MYH15: variants seen among roughly 807,000 people sequenced by gnomAD.
MYH15 encodes the protein myosin heavy chain 15, also known as myosin-15.
A neutral mutation model predicts 240.5 loss-of-function variants in MYH15; 227 were observed. The observed-to-expected ratio is 0.94, with a 90% confidence interval of 0.85 to 1.05. MYH15 has a LOEUF of 1.05. Among genes scored for constraint, MYH15 ranks in the 50% least tolerant of loss-of-function variants. MYH15 has a pLI of 0.00. For synonymous variants in MYH15, 785 were observed against 796.7 expected (o/e 0.99, Z 0.25); for missense variants, 2,217 against 2,247.5 (o/e 0.99, Z 0.27).
At chr3:108,386,720 A>G (rs933112414) in intron 38 of MYH15, among the ~76,000 whole-genome samples, 4 of 151,866 alleles carry the variant, frequency 2.6e-5, no homozygotes, top group Non-Finnish European at 5.9e-5. Flanking sequence ...TCTCTTGTAC[A>G]TCTAACTCTA....
chr3:108,516,174 C>T (rs1300391629), intron 1 of MYH15, among the ~76,000 whole-genome samples: 2 of 152,132 alleles, frequency 1.3e-5, no homozygotes, highest in East Asian at 1.9e-4. Context: ...ATTTTTAAGT[C>T]GGTTTCATCA....
intron 28 of MYH15, among the ~76,000 whole-genome samples, chr3:108,419,840 C>T (rs933798896): frequency 6.6e-6 from 1 of 152,176 alleles, no homozygotes; most frequent in Non-Finnish European, 1.5e-5. Context: ...CTTTTTAAAA[C>T]TGTGTGCCTC....
intron 32 of MYH15, among the ~76,000 whole-genome samples, chr3:108,406,653 G>A (rs371769192): frequency 1.3e-5 from 2 of 152,148 alleles, no homozygotes; most frequent in African/African-American, 4.8e-5. Context: ...TTCTCATAAA[G>A]GCTCACCCAG....
intron 11 of MYH15, among the ~76,000 whole-genome samples, chr3:108,482,345 C>T (rs910316968): frequency 3.3e-5 from 5 of 152,080 alleles, no homozygotes; most frequent in Admixed American, 2.6e-4. Context: ...GGCTGGAGCC[C>T]TGAGCAGCCC....
chr3:108,428,476 G>A lies in MYH15; in HGVS notation c.3702+16C>T. On this transcript the variant is annotated intron_variant, in intron 27 of 40. Coordinates refer to ENST00000693548, the MANE Select transcript of MYH15 (RefSeq NM_014981.3). Reference sequence around the variant, plus strand: ...CCATGTTCAGAAGACCACGAGGATGGCATGGGAGTATCTACCTTAGCTCTT... The same window carrying A: ...CCATGTTCAGAAGACCACGAGGATGACATGGGAGTATCTACCTTAGCTCTT... 1 of 1,592,904 alleles carries A rather than the reference G, an allele frequency of 6.3e-7. No individual in the cohort carries two copies. The highest frequency in any genetic ancestry group is 8.6e-7 in the Non-Finnish European group (1 of 1,166,920).
upstream of MYH15, among the ~76,000 whole-genome samples, chr3:108,534,270 G>A (rs1339249089): frequency 6.6e-6 from 1 of 152,128 alleles, no homozygotes; most frequent in African/African-American, 2.4e-5. Flanking sequence ...AAAACCCAAT[G>A]TCAGCCATAT....
chr3:108,460,205 T>G, intron 17 of MYH15, 95 bp downstream of exon 17: 1 of 1,121,342 alleles, frequency 8.9e-7, no homozygotes, highest in South Asian at 1.8e-5. Context: ...CTCCTGATAC[T>G]TTATCCTTAT....
chr3:108,388,995 C>T lies in MYH15; in HGVS notation c.5510G>A (p.Arg1837Gln), dbSNP rs576556260. Residue 1837 changes from arginine to glutamine, a missense_variant, in exon 38 of 41, where the codon CGA (arginine) becomes CAA (glutamine). Physicochemically the swap from Arg to Gln is conservative, Grantham distance 43. Coordinates refer to ENST00000693548, the MANE Select transcript of MYH15 (RefSeq NM_014981.3). The part of the protein sequence containing the change: ...EAQRGARRLE[R>Q]CIKELTYQAE... ...CTGATAGGTCAGCTCTTTGATGCAT[C>T]GCTCAAGTCTGCGGGCTCCCCTCTG... The T allele has an allele frequency of 1.8e-5, 29 of 1,613,688 alleles. No individual in the cohort carries two copies. Among genetic ancestry groups the T allele is most frequent in the African/African-American group, 1.2e-4 (9 of 75,006 alleles).
At chr3:108,548,807 A>C in the MYH15 span, among the ~76,000 whole-genome samples, 1 of 152,120 alleles carries the variant, frequency 6.6e-6, no homozygotes, top group Non-Finnish European at 1.5e-5. Context: ...GTAGAAATTC[A>C]AACATATTTT....
chr3:108,407,246 GCA>G (rs2082553601), intron 32 of MYH15, among the ~76,000 whole-genome samples: 1 of 152,190 alleles, frequency 6.6e-6, no homozygotes, highest in Non-Finnish European at 1.5e-5. Flanking sequence ...ACAATGCTTG[GCA>G]CAGAGTGGTC....
chr3:108,445,134 T>A (rs1560373426), intron 21 of MYH15, among the ~76,000 whole-genome samples: 1 of 152,190 alleles, frequency 6.6e-6, no homozygotes, highest in Non-Finnish European at 1.5e-5. Context: ...CAAACATTCT[T>A]TGAATGAGAG....
In MYH15 at chr3:108,487,230, TC is replaced by T. The variant is rs2083313424; in HGVS notation, c.872-705del. On this transcript the variant is annotated intron_variant, in intron 9 of 40. Coordinates refer to ENST00000693548, the MANE Select transcript of MYH15 (RefSeq NM_014981.3). ...TAACCTTTCACTGTCCAACACTTGC[TC>T]CCAGTGAAGTTTTTTTGAGCTGATC... 3.9e-5 allele frequency among the ~76,000 whole-genome samples: 6 copies of T among 152,188 alleles called. No homozygotes were observed. The South Asian group carries it at 1.2e-3, about 31-fold the overall frequency.
rs374667460 is a variant in MYH15, at chr3:108,495,785, G to T, written c.706C>A (p.Arg236Ser). Reference sequence around the variant, plus strand: ...TGCTAAATCATGTTACTTACAAAACGAGAGGAGTTGTCATTTCTCAGGGTT... The same window carrying T: ...TGCTAAATCATGTTACTTACAAAACTAGAGGAGTTGTCATTTCTCAGGGTT... ...AKTLRNDNSSRFGKFIRMHFG... is the reference protein window; with the variant it reads ...AKTLRNDNSSSFGKFIRMHFG... The change falls in exon 7 of 41, where the codon CGT becomes AGT. Residue 236 changes from arginine (R) to serine (S), a missense_variant. Arg to Ser is a moderately radical substitution (Grantham distance 110). Transcript: ENST00000693548. The T allele has an allele frequency of 8.7e-6, 14 of 1,607,482 alleles. No individual in the cohort carries two copies. The Middle Eastern group carries it at 2.0e-3, about 228-fold the overall frequency.
At chr3:108,480,072 G>A (rs1181924830) in intron 11 of MYH15, among the ~76,000 whole-genome samples, 1 of 152,134 alleles carries the variant, frequency 6.6e-6, no homozygotes. Context: ...TAATCTATGA[G>A]AGTAAATAAG....
chr3:108,457,446 G>A (rs1031529797), intron 18 of MYH15, among the ~76,000 whole-genome samples: 2 of 152,034 alleles, frequency 1.3e-5, no homozygotes, highest in African/African-American at 4.8e-5. Flanking sequence ...TGTAGTATAA[G>A]CATCCTTCTG....
In MYH15 at chr3:108,398,802, G is replaced by A; in HGVS notation, c.4968C>T (p.Asn1656=). The change falls in exon 35 of 41, where the codon AAC becomes AAT. Residue 1656 remains asparagine (N), a synonymous_variant. Coordinates refer to ENST00000693548, the MANE Select transcript of MYH15 (RefSeq NM_014981.3). Reference sequence around the variant, plus strand: ...CAGCCACCTGCTCCTTCAGATCACTGTTCAGTTGTGTGCTGTCATCCAGCT... The same window carrying A: ...CAGCCACCTGCTCCTTCAGATCACTATTCAGTTGTGTGCTGTCATCCAGCT... ...QMQLDDSTQL[N]SDLKEQVAVA... 6.2e-7 allele frequency: 1 copy of A among 1,614,190 alleles called. No individual in the cohort carries two copies. Among genetic ancestry groups the A allele is most frequent in the Non-Finnish European group, 8.5e-7 (1 of 1,180,040 alleles).
intron 12 of MYH15, 57 bp from the exon 13 acceptor site, chr3:108,470,904 G>A: frequency 6.4e-7 from 1 of 1,557,514 alleles, no homozygotes; most frequent in Non-Finnish European, 8.8e-7. Context: ...TTTTAATCCC[G>A]GGCATTCTCT....
At chr3:108,538,494 A>G in the MYH15 span, among the ~76,000 whole-genome samples, 1 of 152,240 alleles carries the variant, frequency 6.6e-6, no homozygotes, top group Non-Finnish European at 1.5e-5. Context: ...AAAAACTTGC[A>G]TCAATTATAC....
intron 7 of MYH15, 97 bp downstream of exon 7, chr3:108,495,683 T>G: frequency 2.7e-6 from 2 of 731,454 alleles, no homozygotes; most frequent in Non-Finnish European, 4.3e-6. Context: ...CCTTCTTTGG[T>G]GTTCTATAAT....
Sources: gnomAD v4.1 joint callset for allele counts (sites outside exome capture counted in the v4.1 genomes callset) on GRCh38, gnomAD v4.1.1 for gene constraint, MANE v1.5 for transcripts, NCBI Gene and HGNC (gene_info 2026-07-23, HGNC 2026-07-21) for gene names.